Variants in PPP2R5E observed in about 807,000 individuals in gnomAD.
PPP2R5E encodes serine/threonine-protein phosphatase 2A 56 kDa regulatory subunit epsilon isoform.
In PPP2R5E, 4 loss-of-function variants were observed where a neutral mutation model predicts 65.3. The observed-to-expected ratio is 0.06, with a 90% CI of 0.03 to 0.14. PPP2R5E has a LOEUF of 0.14. PPP2R5E is among the 10% of genes least tolerant of loss of function. PPP2R5E has a pLI of 1.00. For synonymous variants in PPP2R5E, 183 were observed against 187.4 expected, an observed-to-expected ratio of 0.98 and a Z score of 0.19; for missense variants, 274 against 556.1, an observed-to-expected ratio of 0.49 and a Z score of 5.10.
At chr14:63,531,209 G>C (rs1277522452) in intron 2 of PPP2R5E, among the ~76,000 whole-genome samples, 1 of 152,128 alleles carries the variant, frequency 6.6e-6, no homozygotes, top group South Asian at 2.1e-4. Context: ...ATGTATACAT[G>C]TGCCATGTTG....
chr14:63,451,848 C>CT (rs1279647488), intron 3 of PPP2R5E: 3 of 152,058 alleles, frequency 2.0e-5, no homozygotes, highest in African/African-American at 7.3e-5. Context: ...AATCTCTGTA[C>CT]TTTCCTCTCA....
chr14:63,415,117 C>A, intron 5 of PPP2R5E, 23 bp downstream of exon 5: 1 of 1,493,200 alleles, frequency 6.7e-7, no homozygotes, highest in South Asian at 1.1e-5. Context: ...GACAAATACA[C>A]ACAACCACAA....
rs747513267 is a variant in PPP2R5E at position 63,395,264 on chromosome 14, G to A, written c.702C>T (p.His234=). The A allele has an allele frequency of 6.2e-7, 1 of 1,610,576 alleles. No homozygotes were observed. The highest frequency in any genetic ancestry group is 8.5e-7 in the Non-Finnish European group (1 of 1,177,596). The stretch of plus-strand genomic sequence containing the variant: ...CCAGCAGTTCAGCTACACCATTGAA[G>A]TGTTCTGTTTCATAAACAAACCTGA... The part of the protein sequence containing the change: ...IFLRFVYETE[H]FNGVAELLEI... Residue 234 remains histidine (H), a synonymous_variant, in exon 7 of 14, where the codon CAC becomes CAT. Coordinates refer to ENST00000337537, the MANE Select transcript of PPP2R5E (RefSeq NM_006246.5).
intron 2 of PPP2R5E, among the ~76,000 whole-genome samples, chr14:63,492,844 C>T (rs1337454470): frequency 3.3e-5 from 5 of 152,126 alleles, no homozygotes. Flanking sequence ...CCAAGTCTTC[C>T]AGTCCAGGAA....
chr14:63,510,916 G>A (rs1260923218), intron 2 of PPP2R5E, among the ~76,000 whole-genome samples: 1 of 152,252 alleles, frequency 6.6e-6, no homozygotes, highest in Admixed American at 6.5e-5. Flanking sequence ...GATGATAGTG[G>A]TTTGGACTAG....
chr14:63,520,931 T>C (rs1483284795), intron 2 of PPP2R5E, among the ~76,000 whole-genome samples: 1 of 149,106 alleles, frequency 6.7e-6, no homozygotes. Context: ...TCCAGCTGCT[T>C]GGGAGGCTGA....
intron 2 of PPP2R5E, among the ~76,000 whole-genome samples, chr14:63,524,763 G>GC (rs1893109995): frequency 2.0e-5 from 3 of 152,154 alleles, no homozygotes; most frequent in Admixed American, 6.5e-5. Flanking sequence ...GGAGCCCAGA[G>GC]CCCACGGCCT....
At chr14:63,422,197 A>G (rs1263329566) in intron 3 of PPP2R5E, 103 bp from the exon 4 acceptor site, 12 of 894,900 alleles carry the variant, frequency 1.3e-5, no homozygotes, top group Non-Finnish European at 2.0e-5. Context: ...ACAATGCACA[A>G]GGAACATCAC....
At chr14:63,422,556 C>T (rs1161246315) in intron 3 of PPP2R5E, among the ~76,000 whole-genome samples, 3 of 151,956 alleles carry the variant, frequency 2.0e-5, no homozygotes, top group African/African-American at 7.2e-5. Flanking sequence ...GAAACCCCGT[C>T]GCTACTAAAA....
intron 11 of PPP2R5E, among the ~76,000 whole-genome samples, chr14:63,387,473 T>A (rs1435527911): frequency 2.6e-5 from 4 of 152,166 alleles, no homozygotes; most frequent in African/African-American, 4.8e-5. Flanking sequence ...AGACCTCAGA[T>A]CTTAATGCCA....
chr14:63,520,401 C>A (rs1357473102), intron 2 of PPP2R5E, among the ~76,000 whole-genome samples: 2 of 152,206 alleles, frequency 1.3e-5, no homozygotes, highest in Non-Finnish European at 2.9e-5. Context: ...CTCTGAGAAA[C>A]CTTCCCTGAA....
At chr14:63,448,527 A>C (rs1203603341) in intron 3 of PPP2R5E, among the ~76,000 whole-genome samples, 1 of 152,046 alleles carries the variant, frequency 6.6e-6, no homozygotes, top group Non-Finnish European at 1.5e-5. Flanking sequence ...ACAGTGGCTC[A>C]CGCCTGTAAT....
chr14:63,509,266 C>T (rs1268967591), intron 2 of PPP2R5E, among the ~76,000 whole-genome samples: 1 of 133,378 alleles, frequency 7.5e-6, no homozygotes, highest in African/African-American at 3.1e-5. Context: ...TTTAAAATAT[C>T]CTTTTTTTTT....
chr14:63,398,682 C>T (rs1885550200), intron 5 of PPP2R5E, among the ~76,000 whole-genome samples: 1 of 152,026 alleles, frequency 6.6e-6, no homozygotes. Context: ...CCCAGGTATT[C>T]GGGAGGCTGA....
intron 2 of PPP2R5E, among the ~76,000 whole-genome samples, chr14:63,504,247 A>T (rs1251104870): frequency 6.6e-6 from 1 of 152,092 alleles, no homozygotes; most frequent in South Asian, 2.1e-4. Context: ...TTTCTTGGCA[A>T]TCAAAAAAAA....
chr14:63,387,565 A>T (rs1253224514), intron 11 of PPP2R5E, among the ~76,000 whole-genome samples: 2 of 149,816 alleles, frequency 1.3e-5, no homozygotes, highest in Non-Finnish European at 3.0e-5. Flanking sequence ...TTCATTAATA[A>T]ATGTTTGTGG....
At chr14:63,537,416 A>G (rs1893710552) in intron 2 of PPP2R5E, among the ~76,000 whole-genome samples, 1 of 152,174 alleles carries the variant, frequency 6.6e-6, no homozygotes, top group Non-Finnish European at 1.5e-5. Context: ...AAGCCTCATA[A>G]TGACTATTTT....
chr14:63,394,811 G>A (rs933752064), intron 7 of PPP2R5E, among the ~76,000 whole-genome samples: 2 of 152,226 alleles, frequency 1.3e-5, no homozygotes, highest in African/African-American at 4.8e-5. Flanking sequence ...GGCTGCAGCT[G>A]TTCAAGGACT....
At chr14:63,414,399 T>C (rs1886575186) in intron 5 of PPP2R5E, among the ~76,000 whole-genome samples, 1 of 152,198 alleles carries the variant, frequency 6.6e-6, no homozygotes, top group Admixed American at 6.5e-5. Flanking sequence ...CATTTATTCT[T>C]TCCTACATTA....
Sources: allele counts gnomAD v4.1 joint callset (sites outside exome capture counted in the v4.1 genomes callset), GRCh38; gene constraint gnomAD v4.1.1; transcripts MANE v1.5; gene names NCBI Gene and HGNC (gene_info 2026-07-23, HGNC 2026-07-21).